Variants in ADAMTS20 observed in about 807,000 individuals in gnomAD.
The protein encoded by ADAMTS20 is ADAM metallopeptidase with thrombospondin type 1 motif 20.
ADAMTS20 carries 225 observed loss-of-function variants against 260.1 expected under a neutral mutation model. That is an observed-to-expected ratio of 0.87 (90% confidence interval 0.78 to 0.97). ADAMTS20 has a LOEUF of 0.97. ADAMTS20 is among the 50% of genes least tolerant of loss of function. The pLI, the probability that ADAMTS20 is intolerant of heterozygous loss-of-function variation, is 0.00. For missense variants in ADAMTS20, 2,400 were observed against 2,337.7 expected, an observed-to-expected ratio of 1.03 and a Z score of -0.55; for synonymous variants, 802 against 769.5, an observed-to-expected ratio of 1.04 and a Z score of -0.70.
intron 8 of ADAMTS20, 101 bp from the exon 9 acceptor site, chr12:43,466,896 A>G: frequency 2.3e-6 from 2 of 877,906 alleles, no homozygotes; most frequent in South Asian, 2.2e-5. Flanking sequence ...TAAAATATAG[A>G]TAAATCTGGT....
At chr12:43,404,576 C>T (rs547927073) in intron 28 of ADAMTS20, among the ~76,000 whole-genome samples, 6 of 152,186 alleles carry the variant, frequency 3.9e-5, no homozygotes, top group African/African-American at 1.2e-4. Context: ...TTTAATTAAG[C>T]TTGGCTACAA....
chr12:43,400,342 T>C (rs1251153720), intron 28 of ADAMTS20, among the ~76,000 whole-genome samples: 17 of 152,062 alleles, frequency 1.1e-4, no homozygotes, highest in Admixed American at 1.1e-3. Context: ...TATTAGACTA[T>C]ATGGCCTATT....
chr12:43,551,151 G>T lies in ADAMTS20; in HGVS notation c.211C>A (p.Leu71Met), dbSNP rs143732641. ...TGGGTTCGGAACGGCATGGGTTCCA[G>T]CGCCTCGGAGCTGCGTTTCTGCCGG... is the stretch of plus-strand genomic sequence containing the variant. ...FSRQKRSSEA[L>M]EPMPFRTHYR... Residue 71 changes from leucine to methionine, a missense_variant, in exon 2 of 39, where the codon CTG becomes ATG. Physicochemically the swap from Leu to Met is conservative, Grantham distance 15. Coordinates refer to ENST00000389420, the MANE Select transcript of ADAMTS20 (RefSeq NM_025003.5). The surrounding 1 kb of genome is among the most constrained non-coding windows in gnomAD (Gnocchi z 4.6). 1.9e-5 allele frequency: 31 copies of T among 1,613,954 alleles called. No individual in the cohort carries two copies. In the African/African-American group the frequency reaches 3.9e-4, roughly 20 times the overall value.
intron 3 of ADAMTS20, among the ~76,000 whole-genome samples, chr12:43,528,769 C>A (rs1353211791): frequency 1.3e-5 from 2 of 151,728 alleles, no homozygotes; most frequent in South Asian, 2.1e-4. Flanking sequence ...TGACTAAGAC[C>A]CAAAAAGCAA....
At chr12:43,419,409 G>A (rs1045665442) in intron 28 of ADAMTS20, among the ~76,000 whole-genome samples, 1 of 151,910 alleles carries the variant, frequency 6.6e-6, no homozygotes, top group Non-Finnish European at 1.5e-5. Context: ...ACTATTGGAA[G>A]GTAACACACA....
chr12:43,438,673 G>C (rs528411838), intron 18 of ADAMTS20, among the ~76,000 whole-genome samples: 1 of 152,112 alleles, frequency 6.6e-6, no homozygotes, highest in Non-Finnish European at 1.5e-5. Context: ...TTTGGTCACC[G>C]CCTCTTGCTG....
chr12:43,544,937 T>C (rs998532890), intron 2 of ADAMTS20, among the ~76,000 whole-genome samples: 54 of 152,124 alleles, frequency 3.5e-4, no homozygotes, highest in African/African-American at 1.3e-3. Flanking sequence ...GTGCTGTGCA[T>C]TGTGGGATAT....
chr12:43,547,375 G>A lies in ADAMTS20; in HGVS notation c.453+3534C>T, dbSNP rs186289328. 2.0e-4 allele frequency among the ~76,000 whole-genome samples: 30 copies of A among 152,218 alleles called. No homozygotes were observed. In the East Asian group the frequency reaches 4.3e-3, roughly 22 times the overall value. ...GAGGGGGAGGGGGAAAGGCAATGGA[G>A]GCAAAGAAAACAGATGCTAAGATGT... is the stretch of plus-strand genomic sequence containing the variant. On this transcript the variant is annotated intron_variant, in intron 2 of 38. Transcript: ENST00000389420.
chr12:43,389,850 T>C (rs1231292269), intron 29 of ADAMTS20, among the ~76,000 whole-genome samples: 1 of 152,240 alleles, frequency 6.6e-6, no homozygotes, highest in Non-Finnish European at 1.5e-5. Flanking sequence ...GCCCTTGCAA[T>C]GGCCCTCTTC....
intron 3 of ADAMTS20, among the ~76,000 whole-genome samples, chr12:43,503,556 CT>C (rs1213510209): frequency 6.6e-6 from 1 of 151,500 alleles, no homozygotes; most frequent in Admixed American, 6.6e-5. Context: ...TCGTCTTATT[CT>C]TTTTTTTCTA....
At chr12:43,363,070 A>G (rs1391769893) in intron 37 of ADAMTS20, among the ~76,000 whole-genome samples, 2 of 152,162 alleles carry the variant, frequency 1.3e-5, no homozygotes, top group Non-Finnish European at 2.9e-5. Context: ...CTAGGTAAGA[A>G]CAGTGAGAAC....
chr12:43,481,508 T>C (rs1000310143), intron 7 of ADAMTS20, among the ~76,000 whole-genome samples: 6 of 152,146 alleles, frequency 3.9e-5, no homozygotes, highest in African/African-American at 1.4e-4. Context: ...AAAAGAGTTA[T>C]AAGGATTAAA....
At chr12:43,413,084 C>T (rs892255157) in intron 28 of ADAMTS20, among the ~76,000 whole-genome samples, 1 of 152,122 alleles carries the variant, frequency 6.6e-6, no homozygotes, top group Admixed American at 6.5e-5. Context: ...GCCGGGATTA[C>T]AGGCATGAGC....
intron 3 of ADAMTS20, among the ~76,000 whole-genome samples, chr12:43,529,804 A>G (rs1423827326): frequency 6.6e-6 from 1 of 152,156 alleles, no homozygotes; most frequent in Non-Finnish European, 1.5e-5. Context: ...AAAGCTATTA[A>G]AACTTTTAAG....
At chr12:43,441,490 G>A (rs1332123924) in intron 16 of ADAMTS20, among the ~76,000 whole-genome samples, 2 of 152,066 alleles carry the variant, frequency 1.3e-5, no homozygotes, top group Non-Finnish European at 2.9e-5. Context: ...TAATGTCTAT[G>A]TAATCTTGGA....
At chr12:43,442,259 CT>C (rs201877057) in intron 16 of ADAMTS20, among the ~76,000 whole-genome samples, 3,963 of 139,228 alleles carry the variant, frequency 0.028, 74 homozygotes, top group East Asian at 0.085. Flanking sequence ...GTGAACATTT[CT>C]TTTTTTTTTT....
In ADAMTS20 at chr12:43,470,557, G is replaced by A. The variant is rs962706381; in HGVS notation, c.1118-1852C>T. ...GTCTAGACTCATTCAAGCTAATTCT[G>A]GGTTCTCTAAAAGTTTAAAGATAGA... On this transcript the variant is annotated intron_variant, in intron 7 of 38. Coordinates refer to ENST00000389420, the MANE Select transcript of ADAMTS20 (RefSeq NM_025003.5). Among the ~76,000 whole-genome samples, 9 of 152,232 alleles carry A rather than the reference G, an allele frequency of 5.9e-5. No individual in the cohort carries two copies. In the South Asian group the frequency reaches 1.0e-3, roughly 18 times the overall value.
intron 7 of ADAMTS20, among the ~76,000 whole-genome samples, chr12:43,477,690 C>G (rs545406336): frequency 6.0e-4 from 91 of 152,114 alleles, no homozygotes; most frequent in Admixed American, 2.2e-3. Flanking sequence ...AGCATGCAGG[C>G]ATATGTACAC....
chr12:43,468,209 G>A (rs1476565252), intron 8 of ADAMTS20, among the ~76,000 whole-genome samples: 1 of 152,242 alleles, frequency 6.6e-6, no homozygotes, highest in African/African-American at 2.4e-5. Flanking sequence ...CTGAGAGCAA[G>A]AAATGAGTTG....
Sources: gnomAD v4.1 joint callset for allele counts (sites outside exome capture counted in the v4.1 genomes callset) on GRCh38, gnomAD v4.1.1 for gene constraint, Gnocchi (gnomAD v3.1) non-coding constraint, MANE v1.5 for transcripts, NCBI Gene and HGNC (gene_info 2026-07-23, HGNC 2026-07-21) for gene names.